The following ACIN1 variants were observed in gnomAD, a reference collection of about 807,000 sequenced individuals.
ACIN1 encodes the protein apoptotic chromatin condensation inducer in the nucleus.
In ACIN1, 16 loss-of-function variants were observed where a neutral mutation model predicts 146.6. The observed-to-expected ratio is 0.11, with a 90% confidence interval of 0.07 to 0.17. The LOEUF is 0.17. ACIN1 is among the 10% of genes least tolerant of loss of function. The probability of loss-of-function intolerance (pLI) is 1.00; values close to 1 mark genes in which losing one functional copy is unlikely to be tolerated. For synonymous variants in ACIN1, 569 were observed against 582.7 expected (o/e 0.98, Z 0.34); for missense variants, 1,357 against 1,609.3 (o/e 0.84, Z 2.68).
rs746128081 is a variant in ACIN1 at position 23,059,276 on chromosome 14, C to T, written c.3724G>A (p.Gly1242Arg). The change falls in exon 19 of 19, where the codon GGG (glycine) becomes AGG (arginine). Residue 1242 changes from glycine (G) to arginine (R), a missense_variant. Physicochemically the swap from Gly to Arg is moderately radical, Grantham distance 125. Transcript: ENST00000605057. Reference sequence around the variant, plus strand: ...CTTTCCCTATCCCGATCTCGGTCCCCCCTGTCCCGCTCCCTTTCTCTCTCT... The same window carrying T: ...CTTTCCCTATCCCGATCTCGGTCCCTCCTGTCCCGCTCCCTTTCTCTCTCT... Reference protein sequence around the residue: ...ERERERERDRGDRDRDRERDR... With the variant: ...ERERERERDRRDRDRDRERDR... 4.4e-6 allele frequency: 7 copies of T among 1,606,974 alleles called. No individual in the cohort carries two copies. In the African/African-American group the frequency reaches 8.0e-5, roughly 18 times the overall value.
At chr14:23,062,853 G>GGAAC in intron 14 of ACIN1, 76 bp downstream of exon 14, 1 of 1,449,010 alleles carries the variant, frequency 6.9e-7, no homozygotes, top group South Asian at 1.4e-5. Flanking sequence ...AACTATGAGT[G>GGAAC]GAACCTAGGA....
chr14:23,077,839 C>T (rs543866414), intron 8 of ACIN1: 148 of 173,452 alleles, frequency 8.5e-4, no homozygotes, highest in Middle Eastern at 5.1e-3. Flanking sequence ...TTAAGATGCC[C>T]GGAGTCAATT....
Position 23,067,970 on chromosome 14 carries a change from G to A in ACIN1, c.2265+1506C>T. The A allele has an allele frequency of 1.0e-6, 1 of 985,852 alleles. No individual in the cohort carries two copies. Among genetic ancestry groups the A allele is most frequent in the Non-Finnish European group, 1.2e-6 (1 of 829,958 alleles). 61.1% of individuals were successfully genotyped at this position (985,852 alleles called of 1,614,324 possible). ...GCATCTCCTCAGGGACTCCAGCTGA[G>A]ACAGTGGTTCCAGTCAGGTGGATGA... On this transcript the variant is annotated intron_variant, in intron 9 of 18. Coordinates refer to ENST00000605057, the MANE Select transcript of ACIN1 (RefSeq NM_001386863.1). This position sits in a 1 kb window ranked among gnomAD's most constrained non-coding sequence, Gnocchi z 4.6.
At chr14:23,092,991 A>C (rs1406301030) in intron 2 of ACIN1, among the ~76,000 whole-genome samples, 7 of 152,222 alleles carry the variant, frequency 4.6e-5, no homozygotes, top group African/African-American at 4.8e-5. Flanking sequence ...AGGTATTAGT[A>C]ATGTTTATGA....
intron 8 of ACIN1, among the ~76,000 whole-genome samples, chr14:23,072,733 TCTTACA>T (rs890075418): frequency 6.6e-6 from 1 of 152,230 alleles, no homozygotes; most frequent in African/African-American, 2.4e-5. Flanking sequence ...CTGCTTAAAA[TCTTACA>T]CTTACAATGC....
rs1181501439 is a variant in ACIN1, at chr14:23,090,212, C to T, written c.317-111G>A. ...AAAGTCACAGATACAGAGATACATACCAAAAAGAGCACCGTATAAAAAGAA... is the reference window on the plus strand; with the variant it reads ...AAAGTCACAGATACAGAGATACATATCAAAAAGAGCACCGTATAAAAAGAA... On this transcript the variant is annotated intron_variant, in intron 3 of 18. Transcript: ENST00000605057. 7.8e-6 allele frequency: 11 copies of T among 1,406,832 alleles called. No individual in the cohort carries two copies. In the East Asian group the frequency reaches 1.2e-4, roughly 15 times the overall value. The allele number at this position is 1,406,832 out of a possible 1,614,324, so 87.1% of individuals were successfully genotyped here. A position where few individuals can be genotyped will look rare whatever the true frequency, so the allele number is the denominator to read the frequency against.
chr14:23,090,459 A>G, intron 3 of ACIN1, 63 bp downstream of exon 3: 1 of 1,412,712 alleles, frequency 7.1e-7, no homozygotes, highest in Non-Finnish European at 1.0e-6. Context: ...AGACAGGCCT[A>G]TCTACTTGGT....
intron 1 of ACIN1, 124 bp downstream of exon 1, chr14:23,094,851 G>C: frequency 1.5e-6 from 2 of 1,360,496 alleles, no homozygotes; most frequent in Admixed American, 2.6e-5. Context: ...CGCGGATCCA[G>C]AGGCTCGCGC....
rs199754379 is a variant in ACIN1, at chr14:23,079,830, G to T, written c.1505C>A (p.Ala502Asp). 1 of 1,614,074 alleles carries T rather than the reference G, an allele frequency of 6.2e-7. No individual in the cohort carries two copies. Among genetic ancestry groups the T allele is most frequent in the African/African-American group, 1.3e-5 (1 of 74,916 alleles). Residue 502 changes from alanine (A) to aspartate (D), a missense_variant, in exon 6 of 19, where the codon GCT becomes GAT. Ala to Asp is a moderately radical substitution (Grantham distance 126). This residue lies in a region of ACIN1 where 771 missense variants were observed against 746.6 expected (regional missense o/e 1.03). Transcript: ENST00000605057. ...PSLEQKEGRR[A>D]SHTLLPSHRL... ...GTGGCTTGGGAGAAGGGTATGAGAA[G>T]CTCTTCTGCCTTCCTTCTGTTCCAA... is the stretch of plus-strand genomic sequence containing the variant.
rs562981396 is a variant in ACIN1 at position 23,059,069 on chromosome 14, G to A, written c.*79C>T. 19 of 1,389,024 alleles carry A rather than the reference G, an allele frequency of 1.4e-5. No individual in the cohort carries two copies. In the African/African-American group the frequency reaches 2.4e-4, roughly 18 times the overall value. The allele number at this position is 1,389,024 out of a possible 1,614,324, so 86.0% of individuals were successfully genotyped here. On this transcript the variant is annotated 3_prime_UTR_variant, in exon 19 of 19. Coordinates refer to ENST00000605057, the MANE Select transcript of ACIN1 (RefSeq NM_001386863.1). ...GAAAGACCCTTGGCTCCAGGGTGGT[G>A]GAGACTGTGCCTATCCCTCTGTGGC... is the stretch of plus-strand genomic sequence containing the variant.
chr14:23,075,798 G>A (rs760406442), intron 8 of ACIN1, among the ~76,000 whole-genome samples: 31 of 151,610 alleles, frequency 2.0e-4, no homozygotes, highest in East Asian at 1.9e-4. Context: ...TCCGCCTCCC[G>A]GGTTCAGGCG....
At chr14:23,085,004 C>T (rs758149775) in intron 4 of ACIN1, among the ~76,000 whole-genome samples, 1 of 151,624 alleles carries the variant, frequency 6.6e-6, no homozygotes, top group Non-Finnish European at 1.5e-5. Flanking sequence ...TTATCTCACA[C>T]ACACCAAAAA....
intron 10 of ACIN1, among the ~76,000 whole-genome samples, chr14:23,065,195 T>C (rs1363846550): frequency 6.6e-6 from 1 of 152,268 alleles, no homozygotes; most frequent in East Asian, 1.9e-4. Flanking sequence ...ACATCTATTA[T>C]ACTTTTGTAA....
upstream of ACIN1, chr14:23,095,341 T>G: frequency 1.3e-6 from 2 of 1,542,000 alleles, no homozygotes; most frequent in Non-Finnish European, 1.8e-6. Flanking sequence ...CTCGCCCTGC[T>G]TTCAGGCTCG....
At chr14:23,093,387 G>C in intron 2 of ACIN1, 92 bp downstream of exon 2, 1 of 1,272,256 alleles carries the variant, frequency 7.9e-7, no homozygotes, top group African/African-American at 1.5e-5. Context: ...AAACAGTCAT[G>C]AGGACTTAAG....
At chr14:23,065,832 G>C in intron 10 of ACIN1, 134 bp downstream of exon 10, 2 of 752,986 alleles carry the variant, frequency 2.7e-6, no homozygotes. Flanking sequence ...AAAGGATTCA[G>C]ATTTGCTAGG....
intron 8 of ACIN1, chr14:23,071,283 C>A: frequency 6.7e-7 from 1 of 1,499,902 alleles, no homozygotes; most frequent in Non-Finnish European, 8.9e-7. Flanking sequence ...CCCACCACCT[C>A]CTCCCCAGCC....
chr14:23,069,565 C>T lies in ACIN1; in HGVS notation c.2176G>A (p.Asp726Asn). 6.3e-7 allele frequency: 1 copy of T among 1,582,424 alleles called. No homozygotes were observed. The change falls in exon 9 of 19, where the codon GAT becomes AAT. Residue 726 changes from aspartate to asparagine, a missense_variant. Transcript: ENST00000605057. ...MDTSENRPEN[D>N]VPEPPMPIAD... ...ATAGGCATGGGAGGTTCTGGAACAT[C>T]ATTTTCAGGTCTGTTTTCACTTGTG... is the stretch of plus-strand genomic sequence containing the variant.
intron 18 of ACIN1, 126 bp from the exon 19 acceptor site, chr14:23,059,600 C>G: frequency 1.4e-6 from 1 of 693,806 alleles, no homozygotes; most frequent in South Asian, 1.7e-5. Flanking sequence ...GTTGGGGGCT[C>G]AACAACTGCA....
Sources: gnomAD v4.1 joint callset for allele counts (sites outside exome capture counted in the v4.1 genomes callset) on GRCh38, gnomAD v4.1.1 for gene constraint, gnomAD v4.1.1 regional missense constraint, Gnocchi (gnomAD v3.1) non-coding constraint, MANE v1.5 for transcripts, NCBI Gene and HGNC (gene_info 2026-07-23, HGNC 2026-07-21) for gene names.